RAB3GAP2: variants seen among roughly 807,000 people sequenced by gnomAD.
RAB3GAP2 encodes the protein rab3 GTPase-activating protein non-catalytic subunit.
In RAB3GAP2, 87 loss-of-function variants were observed where a neutral mutation model predicts 185.3. The ratio of observed to expected loss-of-function variants is 0.47; its 90% CI spans 0.39 to 0.56. The LOEUF is 0.56. RAB3GAP2 is among the 20% of genes least tolerant of loss of function. The pLI, the probability that RAB3GAP2 is intolerant of heterozygous loss-of-function variation, is 0.00. For missense variants in RAB3GAP2, 1,492 were observed against 1,638.2 expected (o/e 0.91, Z 1.54); for synonymous variants, 554 against 576.1 (o/e 0.96, Z 0.55).
intron 27 of RAB3GAP2, 29 bp downstream of exon 27, chr1:220,164,704 A>G: frequency 1.9e-6 from 3 of 1,590,618 alleles, no homozygotes; most frequent in South Asian, 2.3e-5. Context: ...TAGATCAAAC[A>G]GTGATGTTTC....
intron 31 of RAB3GAP2, among the ~76,000 whole-genome samples, chr1:220,155,519 C>T (rs1284621357): frequency 1.3e-5 from 2 of 152,206 alleles, no homozygotes; most frequent in African/African-American, 4.8e-5. Context: ...GCTATAGCAT[C>T]TATAATAGCA....
intron 23 of RAB3GAP2, 138 bp from the exon 24 acceptor site, chr1:220,171,258 C>T: frequency 1.2e-6 from 1 of 809,690 alleles, no homozygotes; most frequent in South Asian, 1.5e-5. Flanking sequence ...ACAAATATTA[C>T]TACTTGGCTG....
At chr1:220,214,132 C>T (rs1347613886) in intron 2 of RAB3GAP2, among the ~76,000 whole-genome samples, 153 bp from the exon 3 acceptor site, 1 of 152,100 alleles carries the variant, frequency 6.6e-6, no homozygotes, top group African/African-American at 2.4e-5. Context: ...TCAAAACATG[C>T]CAAAGATGGC....
At chr1:220,199,738 C>T (rs1156231244) in intron 9 of RAB3GAP2, among the ~76,000 whole-genome samples, 1 of 152,122 alleles carries the variant, frequency 6.6e-6, no homozygotes, top group African/African-American at 2.4e-5. Flanking sequence ...TCATCCAGCC[C>T]GTTGCTCAAA....
chr1:220,164,739 G>T lies in RAB3GAP2; in HGVS notation c.3148C>A (p.Gln1050Lys). The change falls in exon 27 of 35, where the codon CAA (glutamine) becomes AAA (lysine). Residue 1050 changes from glutamine to lysine, a missense_variant. Coordinates refer to ENST00000358951, the MANE Select transcript of RAB3GAP2 (RefSeq NM_012414.4). Reference sequence around the variant, plus strand: ...CTAACATCTGTTTACTTACCATTTTGAACATGTGCATTAAATATTTGCTTC... The same window carrying T: ...CTAACATCTGTTTACTTACCATTTTTAACATGTGCATTAAATATTTGCTTC... ...HLKQIFNAHV[Q>K]NGIALMMWNT... 2.5e-6 allele frequency: 4 copies of T among 1,604,672 alleles called. No homozygotes were observed. In the South Asian group the frequency reaches 4.5e-5, roughly 18 times the overall value.
chr1:220,263,371 G>C (rs1283987721), intron 1 of RAB3GAP2, among the ~76,000 whole-genome samples: 3 of 152,064 alleles, frequency 2.0e-5, no homozygotes, highest in Non-Finnish European at 4.4e-5. Flanking sequence ...AAGCATGCAA[G>C]TCCAATGTCA....
chr1:220,232,754 A>G (rs1333447750), intron 2 of RAB3GAP2, 45 bp downstream of exon 2: 1 of 1,488,974 alleles, frequency 6.7e-7, no homozygotes, highest in Non-Finnish European at 9.4e-7. Context: ...TTACAAAAGG[A>G]AAATGCCACT....
At chr1:220,165,033 T>A (rs990416578) in intron 26 of RAB3GAP2, among the ~76,000 whole-genome samples, 5 of 151,898 alleles carry the variant, frequency 3.3e-5, no homozygotes, top group African/African-American at 1.2e-4. Context: ...TGGGCTAACA[T>A]CTGGATTCAA....
At position 220,159,439 on chromosome 1, in the gene RAB3GAP2, A is replaced by C. The variant is rs139628150; in HGVS notation, c.3226-18T>G. ...TTTCCAACCTAAAATAAAAAGATAA[A>C]ATGTTGTAACATTTAATAATTTAAA... On this transcript the variant is annotated intron_variant, in intron 28 of 34. Transcript: ENST00000358951. 170 of 1,561,020 alleles carry C rather than the reference A, an allele frequency of 1.1e-4. No homozygotes were observed. In the African/African-American group the frequency reaches 2.0e-3, roughly 19 times the overall value.
chr1:220,232,901 T>C (rs920791402), intron 1 of RAB3GAP2, 38 bp from the exon 2 acceptor site: 7 of 1,563,182 alleles, frequency 4.5e-6, no homozygotes, highest in East Asian at 2.2e-5. Flanking sequence ...GCATGAAATA[T>C]AGGGCTTTAA....
intron 1 of RAB3GAP2, among the ~76,000 whole-genome samples, chr1:220,248,949 G>A (rs1265638678): frequency 6.6e-6 from 1 of 152,148 alleles, no homozygotes; most frequent in Non-Finnish European, 1.5e-5. Flanking sequence ...AATTTCCTGA[G>A]GCCTCCCCAG....
intron 1 of RAB3GAP2, among the ~76,000 whole-genome samples, chr1:220,249,505 T>G (rs955614561): frequency 1.3e-5 from 2 of 152,154 alleles, no homozygotes; most frequent in African/African-American, 4.8e-5. Flanking sequence ...TTTGAAAAAT[T>G]TGTAGCCCGA....
chr1:220,195,923 C>T (rs1041329497), intron 10 of RAB3GAP2, among the ~76,000 whole-genome samples: 21 of 152,144 alleles, frequency 1.4e-4, no homozygotes, highest in Non-Finnish European at 7.3e-5. Context: ...GTCTTTACAA[C>T]TCCTCATTTA....
In RAB3GAP2 at chr1:220,190,465, A is replaced by G. The variant is rs1391908737; in HGVS notation, c.1543T>C (p.Trp515Arg). 5 of 1,610,878 alleles carry G rather than the reference A, an allele frequency of 3.1e-6. No homozygotes were observed. In the South Asian group the frequency reaches 5.5e-5, roughly 18 times the overall value. Reference protein sequence around the residue: ...MGLNNVTSQSWQPQTYQICLV... With the variant: ...MGLNNVTSQSRQPQTYQICLV... Reference sequence around the variant, plus strand: ...CAGATCTGATAAGTCTGTGGCTGCCAACTCTGACTGGTAACATTATTTAAA... The same window carrying G: ...CAGATCTGATAAGTCTGTGGCTGCCGACTCTGACTGGTAACATTATTTAAA... Residue 515 changes from tryptophan (W) to arginine (R), a missense_variant, in exon 15 of 35, where the codon TGG becomes CGG. Trp to Arg is a moderately radical substitution (Grantham distance 101). Around this residue, in one of 5 missense-constraint regions of RAB3GAP2, gnomAD observed 681 missense variants for 689.1 expected, o/e 0.99. Coordinates refer to ENST00000358951, the MANE Select transcript of RAB3GAP2 (RefSeq NM_012414.4).
At chr1:220,253,642 CTTT>C in intron 1 of RAB3GAP2, 1 of 1,590,284 alleles carries the variant, frequency 6.3e-7, no homozygotes, top group Non-Finnish European at 8.6e-7. Flanking sequence ...TGGGCCTCTT[CTTT>C]ATGAAGCAAA....
At chr1:220,195,541 T>C (rs577167882) in intron 10 of RAB3GAP2, among the ~76,000 whole-genome samples, 164 bp from the exon 11 acceptor site, 1 of 152,316 alleles carries the variant, frequency 6.6e-6, no homozygotes, top group African/African-American at 2.4e-5. Flanking sequence ...AGGCGTAATA[T>C]GAGAAAAAGT....
At chr1:220,204,530 G>T (rs117263995) in intron 8 of RAB3GAP2, among the ~76,000 whole-genome samples, 4 of 152,008 alleles carry the variant, frequency 2.6e-5, no homozygotes, top group East Asian at 3.9e-4. Context: ...GGCCATTAAG[G>T]CTCCTCTACT....
intron 23 of RAB3GAP2, 47 bp downstream of exon 23, chr1:220,171,842 A>T (rs1658183569): frequency 6.2e-7 from 1 of 1,611,950 alleles, no homozygotes; most frequent in South Asian, 1.1e-5. Flanking sequence ...GCATCCCCTT[A>T]GCCTACTGGA....
chr1:220,212,989 T>C, intron 3 of RAB3GAP2, 21 bp from the exon 4 acceptor site: 1 of 1,554,484 alleles, frequency 6.4e-7, no homozygotes, highest in African/African-American at 1.4e-5. Flanking sequence ...TAAGATATCA[T>C]ATAAAATAAT....
Sources: allele counts gnomAD v4.1 joint callset (sites outside exome capture counted in the v4.1 genomes callset), GRCh38; gene constraint gnomAD v4.1.1; regional missense constraint gnomAD v4.1.1; transcripts MANE v1.5; gene names NCBI Gene and HGNC (gene_info 2026-07-23, HGNC 2026-07-21).